Variants in CWH43 observed in about 807,000 individuals in gnomAD.
The protein encoded by CWH43 is PGAP2-interacting protein.
CWH43 carries 91 observed loss-of-function variants against 85.7 expected under a neutral mutation model. That is an observed-to-expected ratio of 1.06 (90% CI 0.90 to 1.26). The LOEUF (loss-of-function observed/expected upper bound fraction) is 1.26. Ranked by LOEUF, CWH43 falls within the 50% of genes most tolerant of loss-of-function variation. CWH43 has a pLI of 0.00. For missense variants in CWH43, 869 were observed against 839.2 expected, an observed-to-expected ratio of 1.04 and a Z score of -0.44; for synonymous variants, 323 against 293.6, an observed-to-expected ratio of 1.10 and a Z score of -1.02.
intron 15 of CWH43, among the ~76,000 whole-genome samples, chr4:49,055,253 TTGAGA>T (rs1784914803): frequency 6.6e-6 from 1 of 152,186 alleles, no homozygotes; most frequent in African/African-American, 2.4e-5. Flanking sequence ...TCTGCATCTA[TTGAGA>T]TGATCATATG....
At position 49,061,902 on chromosome 4, in the gene CWH43, C is replaced by A. The variant is rs1357549353; in HGVS notation, c.*12C>A. The A allele has an allele frequency of 3.0e-6, 4 of 1,336,840 alleles. No homozygotes were observed. In the African/African-American group the frequency reaches 4.5e-5, roughly 15 times the overall value. 82.8% of individuals were successfully genotyped at this position (1,336,840 alleles called of 1,614,324 possible). On this transcript the variant is annotated 3_prime_UTR_variant, in exon 16 of 16. Coordinates refer to ENST00000226432, the MANE Select transcript of CWH43 (RefSeq NM_025087.3). ...AATACTTTTTATGAAACATTTAAAA[C>A]AAGAAGTTATTGGCTGGGAAAATCT...
At chr4:49,050,245 G>A (rs1784751302) in intron 14 of CWH43, among the ~76,000 whole-genome samples, 2 of 152,150 alleles carry the variant, frequency 1.3e-5, no homozygotes, top group African/African-American at 4.8e-5. Context: ...AAGCCAAAAC[G>A]GGATATGGAA....
chr4:49,054,920 TA>T (rs926596224), intron 15 of CWH43, among the ~76,000 whole-genome samples: 6 of 149,292 alleles, frequency 4.0e-5, no homozygotes, highest in African/African-American at 1.5e-4. Flanking sequence ...TTTTTAGGGA[TA>T]TATATATATA....
rs1168482654 is a variant in CWH43, at chr4:49,016,946, A to G, written c.1187-303A>G. ...TGATCTCCCCAGTAAAGGCCCCATT[A>G]GTCACTTTGTAGCAGTTCTGCGCAG... On this transcript the variant is annotated intron_variant, in intron 8 of 15. Transcript: ENST00000226432. The G allele has an allele frequency of 1.0e-5, 8 of 784,060 alleles. No homozygotes were observed. In the Admixed American group the frequency reaches 1.4e-4, roughly 13 times the overall value. 48.6% of individuals were successfully genotyped at this position (784,060 alleles called of 1,614,324 possible). A position where few individuals can be genotyped will look rare whatever the true frequency, so the allele number is the denominator to read the frequency against.
chr4:49,026,819 T>C (rs1191864565), intron 9 of CWH43, among the ~76,000 whole-genome samples: 8 of 152,242 alleles, frequency 5.3e-5, no homozygotes, highest in Admixed American at 2.6e-4. Context: ...TCCATATCTT[T>C]GCAATTGTGA....
At chr4:49,039,079 AAAT>A in intron 13 of CWH43, among the ~76,000 whole-genome samples, 1 of 31,988 alleles carries the variant, frequency 3.1e-5, no homozygotes, top group African/African-American at 4.7e-5. Context: ...TAAATAAATT[AAAT>A]AAATAAATAA....
At chr4:49,029,262 G>A (rs1270177388) in intron 10 of CWH43, among the ~76,000 whole-genome samples, 2 of 152,234 alleles carry the variant, frequency 1.3e-5, no homozygotes, top group Non-Finnish European at 2.9e-5. Context: ...AACATGTGCT[G>A]TATGGAATCA....
rs1783581751 is a variant in CWH43 at position 49,017,291 on chromosome 4, T to A, written c.1229T>A (p.Leu410Gln). ...LVGVGLLGLGLRHKAYERKLG... is the reference protein window; with the variant it reads ...LVGVGLLGLGQRHKAYERKLG... ...GGTGTGGGATTGTTGGGATTAGGACTACGGCATAAAGCCTATGAGAGAAAA... is the reference window on the plus strand; with the variant it reads ...GGTGTGGGATTGTTGGGATTAGGACAACGGCATAAAGCCTATGAGAGAAAA... Residue 410 changes from leucine to glutamine, a missense_variant, in exon 9 of 16, where the codon CTA becomes CAA. Transcript: ENST00000226432. 2.5e-6 allele frequency: 4 copies of A among 1,612,530 alleles called. No individual in the cohort carries two copies. The highest frequency in any genetic ancestry group is 4.5e-5 in the East Asian group (2 of 44,856).
intron 14 of CWH43, among the ~76,000 whole-genome samples, chr4:49,048,057 C>T (rs1380744897): frequency 5.9e-5 from 9 of 152,170 alleles, no homozygotes; most frequent in Admixed American, 5.2e-4. Context: ...ATTGAAAACA[C>T]TGTTTCTGTT....
intron 15 of CWH43, among the ~76,000 whole-genome samples, chr4:49,055,667 G>A (rs1481394545): frequency 6.6e-6 from 1 of 150,454 alleles, no homozygotes; most frequent in Non-Finnish European, 1.5e-5. Flanking sequence ...TCAGCTTACT[G>A]CAACTTCCAC....
At position 49,046,870 on chromosome 4, in the gene CWH43, C is replaced by A. The variant is rs554893819; in HGVS notation, c.1865+2023C>A. Among the ~76,000 whole-genome samples the A allele has an allele frequency of 2.0e-5, 3 of 152,288 alleles. No individual in the cohort carries two copies. In the East Asian group the frequency reaches 5.8e-4, roughly 29 times the overall value. On this transcript the variant is annotated intron_variant, in intron 14 of 15. Coordinates refer to ENST00000226432, the MANE Select transcript of CWH43 (RefSeq NM_025087.3). Reference sequence around the variant, plus strand: ...TTCCACAGAGGGAACATGCTGGAGACCTTCCCTGAAACACTCAAGGGTTCT... The same window carrying A: ...TTCCACAGAGGGAACATGCTGGAGAACTTCCCTGAAACACTCAAGGGTTCT...
At chr4:48,999,053 G>A (rs1197760132) in intron 6 of CWH43, among the ~76,000 whole-genome samples, 2 of 152,048 alleles carry the variant, frequency 1.3e-5, no homozygotes, top group Admixed American at 6.6e-5. Context: ...CCTAGTACCC[G>A]TTATTCTTCC....
At position 49,003,887 on chromosome 4, in the gene CWH43, G is replaced by T. The variant is rs1783072244; in HGVS notation, c.955G>T (p.Ala319Ser). ...GTNPGKTMTI[A>S]MIFYLLEIFF... is the part of the protein sequence containing the mutation. ...AAACCCTGGGAAAACCATGACCATT[G>T]CCATGATATTTTATCTTCTAGAAAT... is the stretch of plus-strand genomic sequence containing the variant. The change falls in exon 7 of 16, where the codon GCC becomes TCC. Residue 319 changes from alanine to serine, a missense_variant. Transcript: ENST00000226432. The T allele has an allele frequency of 2.5e-6, 4 of 1,613,960 alleles. No individual in the cohort carries two copies. Among genetic ancestry groups the T allele is most frequent in the Non-Finnish European group, 3.4e-6 (4 of 1,179,914 alleles).
chr4:49,012,831 T>C (rs1419192991), intron 8 of CWH43, among the ~76,000 whole-genome samples: 2 of 152,148 alleles, frequency 1.3e-5, no homozygotes, highest in Non-Finnish European at 2.9e-5. Flanking sequence ...TGCAGAATAG[T>C]AAATATTGCT....
intron 9 of CWH43, among the ~76,000 whole-genome samples, chr4:49,024,392 T>C (rs1307679563): frequency 1.3e-5 from 2 of 152,220 alleles, no homozygotes; most frequent in African/African-American, 4.8e-5. Context: ...GTGCAATTTG[T>C]TGCCTGAATA....
At chr4:49,057,899 G>A (rs776935363) in intron 15 of CWH43, among the ~76,000 whole-genome samples, 36 of 152,078 alleles carry the variant, frequency 2.4e-4, no homozygotes, top group Non-Finnish European at 5.0e-4. Flanking sequence ...TTGACTTAAA[G>A]TCTACTTTGT....
chr4:49,050,772 C>T lies in CWH43; in HGVS notation c.1944C>T (p.Asp648=). ...TGGCAAAATTTAGGATCCCTGATGA[C>T]CCCACTAATTATAGAGACAACCAGA... ...IQMAKFRIPD[D]PTNYRDNQKV... The change falls in exon 15 of 16, where the codon GAC becomes GAT. Residue 648 remains aspartate, a synonymous_variant. Coordinates refer to ENST00000226432, the MANE Select transcript of CWH43 (RefSeq NM_025087.3). 1 of 1,610,378 alleles carries T rather than the reference C, an allele frequency of 6.2e-7. No homozygotes were observed. The highest frequency in any genetic ancestry group is 8.5e-7 in the Non-Finnish European group (1 of 1,176,796).
At chr4:48,994,247 G>A (rs1323388993) in intron 4 of CWH43, among the ~76,000 whole-genome samples, 1 of 152,200 alleles carries the variant, frequency 6.6e-6, no homozygotes. Flanking sequence ...CCTGTTCTTT[G>A]GGAGGAAGCA....
chr4:49,028,109 C>T (rs189742623), intron 9 of CWH43, among the ~76,000 whole-genome samples: 65 of 152,266 alleles, frequency 4.3e-4, no homozygotes, highest in Admixed American at 4.1e-3. Context: ...TTTTTTAGCA[C>T]TTTCATGAAT....
Sources: allele counts gnomAD v4.1 joint callset (sites outside exome capture counted in the v4.1 genomes callset), GRCh38; gene constraint gnomAD v4.1.1; transcripts MANE v1.5; gene names NCBI Gene and HGNC (gene_info 2026-07-23, HGNC 2026-07-21).